The following RPA1 variants were observed in gnomAD, a reference collection of about 807,000 sequenced individuals.
The protein encoded by RPA1 is replication protein A 70 kDa DNA-binding subunit.
In RPA1, 49 loss-of-function variants were observed where a neutral mutation model predicts 83.0. That is an observed-to-expected ratio of 0.59 (90% CI 0.47 to 0.75). RPA1 has a LOEUF of 0.75. Among genes scored for constraint, RPA1 ranks in the 30% least tolerant of loss-of-function variants. The pLI, the probability that RPA1 is intolerant of heterozygous loss-of-function variation, is 0.00. For synonymous variants in RPA1, 279 were observed against 281.8 expected, an observed-to-expected ratio of 0.99 and a Z score of 0.10; for missense variants, 693 against 776.1, an observed-to-expected ratio of 0.89 and a Z score of 1.27.
chr17:1,893,933 T>G (rs553715101), intron 15 of RPA1, among the ~76,000 whole-genome samples: 1 of 152,066 alleles, frequency 6.6e-6, no homozygotes, highest in African/African-American at 2.4e-5. Context: ...CGATCATGGC[T>G]CACTGCAGCT....
intron 13 of RPA1, 31 bp from the exon 14 acceptor site, chr17:1,888,644 C>T: frequency 1.3e-6 from 2 of 1,589,796 alleles, no homozygotes; most frequent in East Asian, 2.3e-5. Context: ...GCTCGCGACT[C>T]CGTGCCTCAT....
chr17:1,862,367 C>G (rs907228975), intron 5 of RPA1, among the ~76,000 whole-genome samples: 3 of 151,704 alleles, frequency 2.0e-5, no homozygotes, highest in African/African-American at 7.3e-5. Context: ...TCTCTTGTCC[C>G]TGCTGTCCAC....
At chr17:1,857,035 G>C (rs1159379697) in intron 5 of RPA1, among the ~76,000 whole-genome samples, 1 of 151,980 alleles carries the variant, frequency 6.6e-6, no homozygotes, top group Non-Finnish European at 1.5e-5. Flanking sequence ...GGTGGAAGCT[G>C]AGTTCATTGA....
At chr17:1,839,390 A>T (rs1376406369) in intron 1 of RPA1, among the ~76,000 whole-genome samples, 1 of 149,268 alleles carries the variant, frequency 6.7e-6, no homozygotes. Flanking sequence ...CAGTGGTGAG[A>T]TCTCGGCTCA....
At chr17:1,841,069 A>C (rs1912029016) in intron 1 of RPA1, among the ~76,000 whole-genome samples, 1 of 152,144 alleles carries the variant, frequency 6.6e-6, no homozygotes, top group African/African-American at 2.4e-5. Flanking sequence ...TCTCAAAAAA[A>C]ATAAAATAAA....
chr17:1,883,253 A>G (rs1913864738), intron 12 of RPA1, among the ~76,000 whole-genome samples: 1 of 152,042 alleles, frequency 6.6e-6, no homozygotes, highest in Non-Finnish European at 1.5e-5. Flanking sequence ...GCCTCCTGAG[A>G]ATTGCCTACA....
intron 5 of RPA1, among the ~76,000 whole-genome samples, chr17:1,862,112 TCCATCTCCTGACCTCGTGATCTG>T (rs1355782740): frequency 4.0e-5 from 6 of 150,230 alleles, no homozygotes; most frequent in Admixed American, 6.6e-5. Flanking sequence ...CAGGATGGTC[TCCATCTCCTGACCTCGTGATCTG>T]CCCGCCTCAG....
At position 1,884,231 on chromosome 17, in the gene RPA1, A is replaced by G. The variant is rs1399320774; in HGVS notation, c.1374+287A>G. Among the ~76,000 whole-genome samples, 1 of 152,176 alleles carries G rather than the reference A, an allele frequency of 6.6e-6. No individual in the cohort carries two copies. Among genetic ancestry groups the G allele is most frequent in the Non-Finnish European group, 1.5e-5 (1 of 68,018 alleles). On this transcript the variant is annotated intron_variant, in intron 13 of 16. Coordinates refer to ENST00000254719, the MANE Select transcript of RPA1 (RefSeq NM_002945.5). The surrounding 1 kb of genome is among the most constrained non-coding windows in gnomAD (Gnocchi z 4.1). ...AGGGGTGACAGTCAAGCTTTGTGGTATAATATCACCTGCTTTCGGGTCCAC... is the reference window on the plus strand; with the variant it reads ...AGGGGTGACAGTCAAGCTTTGTGGTGTAATATCACCTGCTTTCGGGTCCAC...
intron 5 of RPA1, among the ~76,000 whole-genome samples, chr17:1,865,159 A>G (rs1370806901): frequency 6.6e-6 from 1 of 152,216 alleles, no homozygotes; most frequent in Non-Finnish European, 1.5e-5. Context: ...ATCAGTTTTT[A>G]ATCATTAAAT....
At chr17:1,874,040 C>T (rs1203228538) in intron 6 of RPA1, among the ~76,000 whole-genome samples, 10 of 140,480 alleles carry the variant, frequency 7.1e-5, no homozygotes, top group African/African-American at 1.1e-4. Flanking sequence ...TATACACACA[C>T]ACACACACAC....
chr17:1,872,809 T>G (rs1913429121), intron 6 of RPA1, among the ~76,000 whole-genome samples: 1 of 148,728 alleles, frequency 6.7e-6, no homozygotes, highest in Non-Finnish European at 1.5e-5. Context: ...ACCTCCCAAG[T>G]AGCTGGTACT....
chr17:1,845,465 G>A (rs897894348), intron 4 of RPA1, among the ~76,000 whole-genome samples: 6 of 152,092 alleles, frequency 3.9e-5, no homozygotes, highest in African/African-American at 1.4e-4. Context: ...AACCCCAGGA[G>A]TTTGAGACTG....
At position 1,831,891 on chromosome 17, in the gene RPA1, G is replaced by A. The variant is rs562473416; in HGVS notation, c.33+1765G>A. On this transcript the variant is annotated intron_variant, in intron 1 of 16. Coordinates refer to ENST00000254719, the MANE Select transcript of RPA1 (RefSeq NM_002945.5). ...TGGGGTTACAGGCGTGAGCCACTGT[G>A]CCCGGCCTTTTTTTTTTTTTTTTTT... Among the ~76,000 whole-genome samples, 828 of 134,516 alleles carry A rather than the reference G, an allele frequency of 6.2e-3. 9 individuals carry two copies. The highest frequency in any genetic ancestry group is 9.7e-3 in the Non-Finnish European group (627 of 64,894). 88.2% of individuals were successfully genotyped at this position (134,516 alleles called of 152,430 possible).
intron 4 of RPA1, among the ~76,000 whole-genome samples, chr17:1,851,743 A>G (rs1053927169): frequency 3.3e-5 from 5 of 152,182 alleles, no homozygotes; most frequent in African/African-American, 1.2e-4. Flanking sequence ...GTAGTTAAAT[A>G]TCTGCCACTA....
chr17:1,891,490 G>A (rs1391136529), intron 14 of RPA1, among the ~76,000 whole-genome samples: 1 of 85,256 alleles, frequency 1.2e-5, no homozygotes, highest in East Asian at 3.0e-4. Context: ...CTCGATCTCA[G>A]CTCGCTGCAA....
At chr17:1,850,834 G>A (rs1017935528) in intron 4 of RPA1, among the ~76,000 whole-genome samples, 3 of 152,154 alleles carry the variant, frequency 2.0e-5, no homozygotes, top group African/African-American at 7.2e-5. Flanking sequence ...GGAGGTTGCA[G>A]TGAGCTGAGA....
rs1914576761 is a variant in RPA1, at chr17:1,899,684, A to G, written c.*2509A>G. The G allele has an allele frequency of 6.6e-6, 1 of 152,200 alleles. No homozygotes were observed. Among genetic ancestry groups the G allele is most frequent in the African/African-American group, 2.4e-5 (1 of 41,440 alleles). 9.4% of individuals were successfully genotyped at this position (152,200 alleles called of 1,614,324 possible). ...GGTATTTAATACACTAATGAAACCCATGGTTATTGACTACATAATTAATAT... is the reference window on the plus strand; with the variant it reads ...GGTATTTAATACACTAATGAAACCCGTGGTTATTGACTACATAATTAATAT... On this transcript the variant is annotated 3_prime_UTR_variant, in exon 17 of 17. Coordinates refer to ENST00000254719, the MANE Select transcript of RPA1 (RefSeq NM_002945.5).
intron 1 of RPA1, among the ~76,000 whole-genome samples, chr17:1,832,920 T>C (rs1289832657): frequency 6.6e-6 from 1 of 151,944 alleles, no homozygotes; most frequent in Non-Finnish European, 1.5e-5. Context: ...TTTAAAATTA[T>C]TGTGTTTGTT....
At chr17:1,832,261 T>A (rs1911647627) in intron 1 of RPA1, among the ~76,000 whole-genome samples, 1 of 151,800 alleles carries the variant, frequency 6.6e-6, no homozygotes, top group African/African-American at 2.4e-5. Flanking sequence ...GCCCACTGCC[T>A]GGGTGGTTCT....
Sources: gnomAD v4.1 joint callset for allele counts (sites outside exome capture counted in the v4.1 genomes callset) on GRCh38, gnomAD v4.1.1 for gene constraint, Gnocchi (gnomAD v3.1) non-coding constraint, MANE v1.5 for transcripts, NCBI Gene and HGNC (gene_info 2026-07-23, HGNC 2026-07-21) for gene names.